SARDH: variants seen among roughly 807,000 people sequenced by gnomAD.
SARDH encodes sarcosine dehydrogenase, mitochondrial.
SARDH carries 95 observed loss-of-function variants against 109.1 expected under a neutral mutation model. That is an observed-to-expected ratio of 0.87 (90% CI 0.74 to 1.03). The LOEUF (loss-of-function observed/expected upper bound fraction) is 1.03. Ranked by LOEUF, SARDH falls within the 50% of genes least tolerant of loss-of-function variation. The pLI is 0.00. For missense variants in SARDH, 1,267 were observed against 1,287.8 expected (o/e 0.98, Z 0.25); for synonymous variants, 572 against 534.8 (o/e 1.07, Z -0.96).
In SARDH at chr9:133,704,702, T is replaced by TG. The variant is rs1288158102; in HGVS notation, c.1554+245dup. On this transcript the variant is annotated intron_variant, in intron 12 of 20. Transcript: ENST00000439388. This position sits in a 1 kb window ranked among gnomAD's most constrained non-coding sequence, Gnocchi z 4.5. ...CTTCCCACTTAGGCCATGGAAGGCC[T>TG]GGCCACAGCGGACGGGTAGTGGGGA... Among the ~76,000 whole-genome samples the TG allele has an allele frequency of 6.6e-6, 1 of 152,170 alleles. No homozygotes were observed. The highest frequency in any genetic ancestry group is 2.4e-5 in the African/African-American group (1 of 41,444).
At chr9:133,684,174 T>C (rs1279038725) in intron 17 of SARDH, among the ~76,000 whole-genome samples, 2 of 152,206 alleles carry the variant, frequency 1.3e-5, no homozygotes, top group African/African-American at 2.4e-5. Context: ...CAGCGGACCC[T>C]TGGCCATGTC....
In SARDH at chr9:133,666,603, CCTCCTCCTCTTCT is replaced by C; in HGVS notation, c.2631+119_2631+131del. The C allele has an allele frequency of 8.2e-7, 1 of 1,224,488 alleles. No homozygotes were observed. Among genetic ancestry groups the C allele is most frequent in the South Asian group, 1.6e-5 (1 of 63,728 alleles). 75.9% of individuals were successfully genotyped at this position (1,224,488 alleles called of 1,614,324 possible). ...CTTCCCTCCTCCCTCCTTTCTCTTC[CCTCCTCCTCTTCT>C]GGACCACACCCGTGCCTCCTCCCTA... On this transcript the variant is annotated intron_variant, in intron 20 of 20. Transcript: ENST00000439388. The surrounding 1 kb of genome is among the most constrained non-coding windows in gnomAD (Gnocchi z 5.2).
At position 133,666,266 on chromosome 9, in the gene SARDH, C is replaced by T. The variant is rs1830060742; in HGVS notation, c.2631+469G>A. ...GGTCACCCTGGGGGCCACCCCTGCA[C>T]CCCAGGCAAAGGGTGGGCTGTGGGT... On this transcript the variant is annotated intron_variant, in intron 20 of 20. Transcript: ENST00000439388. The surrounding 1 kb of genome is among the most constrained non-coding windows in gnomAD (Gnocchi z 5.2). 6.6e-6 allele frequency among the ~76,000 whole-genome samples: 1 copy of T among 152,082 alleles called. No individual in the cohort carries two copies. The highest frequency in any genetic ancestry group is 2.4e-5 in the African/African-American group (1 of 41,408).
chr9:133,686,631 G>A lies in SARDH; in HGVS notation c.2070-1345C>T, dbSNP rs1830895941. 6.6e-6 allele frequency among the ~76,000 whole-genome samples: 1 copy of A among 151,996 alleles called. No individual in the cohort carries two copies. Among genetic ancestry groups the A allele is most frequent in the Non-Finnish European group, 1.5e-5 (1 of 68,008 alleles). ...AATAGAACTGACTGTGAACACCCTG[G>A]CTTGGCACAGCAGGGTGAGGCCCCC... On this transcript the variant is annotated intron_variant, in intron 16 of 20. Coordinates refer to ENST00000439388, the MANE Select transcript of SARDH (RefSeq NM_001134707.2). The surrounding 1 kb of genome is among the most constrained non-coding windows in gnomAD (Gnocchi z 4.0).
intron 14 of SARDH, among the ~76,000 whole-genome samples, chr9:133,695,747 G>A (rs1402355973): frequency 1.4e-5 from 2 of 148,070 alleles, no homozygotes; most frequent in Non-Finnish European, 3.0e-5. Context: ...GTGGGTGGGT[G>A]GGTGACGAAA....
rs1013820199 is a variant in SARDH at position 133,712,561 on chromosome 9, C to A, written c.1328+58G>T. 3 of 1,479,748 alleles carry A rather than the reference C, an allele frequency of 2.0e-6. No individual in the cohort carries two copies. Among genetic ancestry groups the A allele is most frequent in the African/African-American group, 2.8e-5 (2 of 72,450 alleles). 91.7% of individuals were successfully genotyped at this position (1,479,748 alleles called of 1,614,324 possible). ...CTTTCTCAGTAGCCCTCGCTGTTTA[C>A]CCCACGCCACCTGTCCTGAGTGGCG... On this transcript the variant is annotated intron_variant, in intron 10 of 20. Transcript: ENST00000439388. This position sits in a 1 kb window ranked among gnomAD's most constrained non-coding sequence, Gnocchi z 4.1.
Position 133,718,613 on chromosome 9 carries a change from T to C in SARDH, c.1020+325A>G. On this transcript the variant is annotated intron_variant, in intron 7 of 20. Transcript: ENST00000439388. The surrounding 1 kb of genome is among the most constrained non-coding windows in gnomAD (Gnocchi z 4.2). Reference sequence around the variant, plus strand: ...GGGAAATGCCGCTGCAGCAGCTGGTTGGGAGGGCAGTGTCATTTGCTGAAG... The same window carrying C: ...GGGAAATGCCGCTGCAGCAGCTGGTCGGGAGGGCAGTGTCATTTGCTGAAG... The C allele has an allele frequency of 1.3e-6, 1 of 771,798 alleles. No homozygotes were observed. The highest frequency in any genetic ancestry group is 2.4e-6 in the Non-Finnish European group (1 of 414,992). The allele number at this position is 771,798 out of a possible 1,614,324, so 47.8% of individuals were successfully genotyped here. A position where few individuals can be genotyped will look rare whatever the true frequency, so the allele number is the denominator to read the frequency against.
chr9:133,674,547 A>C (rs962642811), intron 17 of SARDH, among the ~76,000 whole-genome samples: 35 of 152,354 alleles, frequency 2.3e-4, no homozygotes, highest in African/African-American at 7.7e-4. Context: ...TGAAACTATT[A>C]AACGAAATCA....
chr9:133,717,187 G>A (rs916460953), intron 8 of SARDH, 139 bp downstream of exon 8: 6 of 1,076,234 alleles, frequency 5.6e-6, no homozygotes, highest in African/African-American at 4.7e-5. Flanking sequence ...AGGGCTGCTG[G>A]AGCCAAGCAG....
chr9:133,666,722 G>C lies in SARDH; in HGVS notation c.2631+13C>G. ...CGGCATCTGCCTTAGCAGGGCCAGAGAAGGGGACTCACCGGCCCACCGCTG... is the reference window on the plus strand; with the variant it reads ...CGGCATCTGCCTTAGCAGGGCCAGACAAGGGGACTCACCGGCCCACCGCTG... On this transcript the variant is annotated intron_variant, in intron 20 of 20. Transcript: ENST00000439388. This position sits in a 1 kb window ranked among gnomAD's most constrained non-coding sequence, Gnocchi z 5.2. 6.3e-7 allele frequency: 1 copy of C among 1,580,978 alleles called. No homozygotes were observed. Among genetic ancestry groups the C allele is most frequent in the Non-Finnish European group, 8.6e-7 (1 of 1,163,920 alleles).
At chr9:133,732,378 ACCCACCCAAG>A (rs1564301130) in intron 3 of SARDH, 35 bp downstream of exon 3, 1 of 214,092 alleles carries the variant, frequency 4.7e-6, no homozygotes, top group Non-Finnish European at 9.3e-6. Context: ...GAGTGCACCC[ACCCACCCAAG>A]CCCCCCTCCT....
intron 19 of SARDH, among the ~76,000 whole-genome samples, chr9:133,668,428 A>C (rs965548118): frequency 5.2e-4 from 6 of 11,538 alleles, no homozygotes; most frequent in Non-Finnish European, 4.6e-4. Flanking sequence ...CTCTCCCTTC[A>C]CCCTCCCTCT....
At chr9:133,679,486 C>T (rs568872196) in intron 17 of SARDH, among the ~76,000 whole-genome samples, 8 of 152,376 alleles carry the variant, frequency 5.3e-5, no homozygotes, top group African/African-American at 1.7e-4. Context: ...CCGTGCCCCA[C>T]GGAGTGCTCC....
chr9:133,707,642 G>A (rs1831740642), intron 11 of SARDH, among the ~76,000 whole-genome samples: 1 of 152,198 alleles, frequency 6.6e-6, no homozygotes, highest in Non-Finnish European at 1.5e-5. Flanking sequence ...TCAATGCTCA[G>A]GAACCAGAGT....
chr9:133,696,166 C>T, intron 14 of SARDH, 57 bp downstream of exon 14: 3 of 1,602,892 alleles, frequency 1.9e-6, no homozygotes, highest in Middle Eastern at 1.7e-4. Context: ...CATCTCAGTG[C>T]CTGAGGCTGT....
Position 133,666,850 on chromosome 9 carries a change from A to C in SARDH, c.2516T>G (p.Leu839Arg). 1 of 1,612,204 alleles carries C rather than the reference A, an allele frequency of 6.2e-7. No homozygotes were observed. Among genetic ancestry groups the C allele is most frequent in the Non-Finnish European group, 8.5e-7 (1 of 1,179,406 alleles). The change falls in exon 20 of 21, where the codon CTG becomes CGG. Residue 839 changes from leucine (L) to arginine (R), a missense_variant. Coordinates refer to ENST00000439388, the MANE Select transcript of SARDH (RefSeq NM_001134707.2). This position sits in a 1 kb window ranked among gnomAD's most constrained non-coding sequence, Gnocchi z 5.2. Reference sequence around the variant, plus strand: ...TTGGCCGTTCCTCCAGATGGCCTCCAGGCCAAACATGGGTACTTTGCTGGA... The same window carrying C: ...TTGGCCGTTCCTCCAGATGGCCTCCCGGCCAAACATGGGTACTTTGCTGGA... ...TMEDKVPMFG[L>R]EAIWRNGQVV... is the part of the protein sequence containing the mutation.
intron 11 of SARDH, among the ~76,000 whole-genome samples, chr9:133,706,411 T>C (rs879266249): frequency 1.3e-5 from 2 of 152,064 alleles, no homozygotes; most frequent in African/African-American, 2.4e-5. Flanking sequence ...GGCAAATCCA[T>C]AGAGACCGAA....
At chr9:133,665,152 C>T (rs918399002) in intron 20 of SARDH, among the ~76,000 whole-genome samples, 9 of 152,086 alleles carry the variant, frequency 5.9e-5, no homozygotes, top group African/African-American at 1.4e-4. Flanking sequence ...AGACGTGCAC[C>T]GGCCGCTCTG....
At chr9:133,667,318 C>A (rs954901404) in intron 19 of SARDH, among the ~76,000 whole-genome samples, 3 of 151,684 alleles carry the variant, frequency 2.0e-5, no homozygotes, top group Non-Finnish European at 2.9e-5. Flanking sequence ...AGGCACCCAC[C>A]ACCATGCCCG....
Sources: allele counts gnomAD v4.1 joint callset (sites outside exome capture counted in the v4.1 genomes callset), GRCh38; gene constraint gnomAD v4.1.1; non-coding constraint Gnocchi (gnomAD v3.1); transcripts MANE v1.5; gene names NCBI Gene and HGNC (gene_info 2026-07-23, HGNC 2026-07-21).